The following ROR1 variants were observed in gnomAD, a reference collection of about 807,000 sequenced individuals.
ROR1 encodes ROR family WNT receptor 1.
A neutral mutation model predicts 78.8 loss-of-function variants in ROR1; 19 were observed. The ratio of observed to expected loss-of-function variants is 0.24; its 90% confidence interval spans 0.17 to 0.35. The LOEUF (loss-of-function observed/expected upper bound fraction) is 0.35, where lower values mean the gene tolerates loss of function less well. Ranked by LOEUF, ROR1 falls within the 10% of genes least tolerant of loss-of-function variation. The probability of loss-of-function intolerance (pLI) is 1.00; values close to 1 mark genes in which losing one functional copy is unlikely to be tolerated. For synonymous variants in ROR1, 386 were observed against 433.6 expected (o/e 0.89, Z 1.36); for missense variants, 917 against 1,177.8 (o/e 0.78, Z 3.24).
At chr1:63,954,841 T>C (rs572758864) in intron 1 of ROR1, among the ~76,000 whole-genome samples, 21 of 152,152 alleles carry the variant, frequency 1.4e-4, no homozygotes, top group Non-Finnish European at 2.9e-4. Context: ...TGGTATCTGT[T>C]GGGGGTCCTG....
At chr1:64,168,287 T>C (rs1650141878) in intron 8 of ROR1, among the ~76,000 whole-genome samples, 1 of 152,208 alleles carries the variant, frequency 6.6e-6, no homozygotes, top group African/African-American at 2.4e-5. Context: ...TGAGTCATAG[T>C]TACCAATCTC....
chr1:64,124,457 T>C (rs904472971), intron 4 of ROR1, among the ~76,000 whole-genome samples: 2 of 152,088 alleles, frequency 1.3e-5, no homozygotes, highest in Admixed American at 1.3e-4. Flanking sequence ...CTCCTTTCCT[T>C]CTAGGCCCGG....
In ROR1 at chr1:64,159,125, A is replaced by T; in HGVS notation, c.1319A>T (p.Gln440Leu). The T allele has an allele frequency of 6.2e-7, 1 of 1,614,168 alleles. No homozygotes were observed. The highest frequency in any genetic ancestry group is 1.1e-5 in the South Asian group (1 of 91,078). The change falls in exon 8 of 9, where the codon CAG becomes CTG. Residue 440 changes from glutamine (Q) to leucine (L), a missense_variant. Around this residue, in one of 3 missense-constraint regions of ROR1, gnomAD observed 835 missense variants for 1,069.8 expected, o/e 0.78. Coordinates refer to ENST00000371079, the MANE Select transcript of ROR1 (RefSeq NM_005012.4). ...NNQKSSSAPV[Q>L]RQPKHVRGQN... ...CAGAAGTCATCGTCGGCACCAGTCC[A>T]GAGGCAACCAAAACACGTCAGAGGT...
chr1:64,115,498 T>C (rs1274276204), intron 4 of ROR1, among the ~76,000 whole-genome samples: 1 of 152,018 alleles, frequency 6.6e-6, no homozygotes, highest in Non-Finnish European at 1.5e-5. Context: ...CCTCCCAAAG[T>C]GCATTTCTTA....
intron 4 of ROR1, among the ~76,000 whole-genome samples, chr1:64,085,837 A>G (rs1242374075): frequency 2.0e-5 from 3 of 152,176 alleles, no homozygotes; most frequent in African/African-American, 7.2e-5. Flanking sequence ...CTGCTTGGCC[A>G]TATAAAACAG....
chr1:63,783,861 G>A (rs955666875), intron 1 of ROR1, among the ~76,000 whole-genome samples: 2 of 152,174 alleles, frequency 1.3e-5, no homozygotes, highest in Non-Finnish European at 2.9e-5. Context: ...GTGGCAGGGT[G>A]CTCAGTGTGT....
At chr1:63,827,160 A>T (rs1324713727) in intron 1 of ROR1, among the ~76,000 whole-genome samples, 2 of 151,788 alleles carry the variant, frequency 1.3e-5, no homozygotes, top group Admixed American at 1.3e-4. Context: ...TTGTAAATTT[A>T]AGTTTCTTAT....
chr1:64,002,514 C>T (rs1013673877), intron 1 of ROR1, among the ~76,000 whole-genome samples: 1 of 152,086 alleles, frequency 6.6e-6, no homozygotes, highest in African/African-American at 2.4e-5. Flanking sequence ...CTCTATAGTT[C>T]CATGGAAGAG....
At chr1:64,096,981 A>T (rs1011900243) in intron 4 of ROR1, among the ~76,000 whole-genome samples, 6 of 152,060 alleles carry the variant, frequency 3.9e-5, no homozygotes, top group Admixed American at 1.3e-4. Flanking sequence ...AAGGATTCTG[A>T]CAATGTAAAC....
At chr1:64,116,442 C>T (rs1410457401) in intron 4 of ROR1, among the ~76,000 whole-genome samples, 1 of 152,150 alleles carries the variant, frequency 6.6e-6, no homozygotes, top group Non-Finnish European at 1.5e-5. Flanking sequence ...GGGAAAGCCA[C>T]ATAAAAGAAT....
chr1:64,092,223 C>G (rs1647205469), intron 4 of ROR1, among the ~76,000 whole-genome samples: 1 of 151,890 alleles, frequency 6.6e-6, no homozygotes, highest in Admixed American at 6.6e-5. Flanking sequence ...TTCACAGAGA[C>G]TTTAAGCAGT....
chr1:63,981,889 A>G (rs1253317609), intron 1 of ROR1, among the ~76,000 whole-genome samples: 1 of 152,132 alleles, frequency 6.6e-6, no homozygotes, highest in Admixed American at 6.6e-5. Context: ...AGCAGTGCTC[A>G]AAAGTGAATC....
At chr1:64,024,498 A>C (rs541404695) in intron 2 of ROR1, among the ~76,000 whole-genome samples, 1 of 152,236 alleles carries the variant, frequency 6.6e-6, no homozygotes, top group South Asian at 2.1e-4. Flanking sequence ...AAAAACAAAA[A>C]ACAAAAAAAA....
chr1:64,011,608 G>A (rs1646475046), intron 2 of ROR1, among the ~76,000 whole-genome samples: 3 of 152,170 alleles, frequency 2.0e-5, no homozygotes, highest in Admixed American at 1.3e-4. Flanking sequence ...AAGTAGTGGT[G>A]TCAATAGTAT....
chr1:64,103,614 T>C (rs965188257), intron 4 of ROR1, among the ~76,000 whole-genome samples: 58 of 152,312 alleles, frequency 3.8e-4, no homozygotes, highest in African/African-American at 1.3e-3. Flanking sequence ...GTATATTAAC[T>C]GAATGTGAAT....
chr1:63,843,996 A>G lies in ROR1; in HGVS notation c.91+69488A>G, dbSNP rs545380484. ...GCCCAAGCTCCTTAGCATGACACCA[A>G]AGGGATTTTCAGACCAGCCCTTGCT... On this transcript the variant is annotated intron_variant, in intron 1 of 8. Transcript: ENST00000371079. 2.3e-4 allele frequency among the ~76,000 whole-genome samples: 35 copies of G among 152,146 alleles called. 1 individual carries two copies. In the South Asian group the frequency reaches 6.8e-3, roughly 30 times the overall value.
At chr1:63,992,098 AC>A (rs1646300873) in intron 1 of ROR1, among the ~76,000 whole-genome samples, 1 of 152,142 alleles carries the variant, frequency 6.6e-6, no homozygotes, top group East Asian at 1.9e-4. Flanking sequence ...AAACCCGACA[AC>A]CCTTGTATAT....
chr1:63,981,148 C>G (rs888399073), intron 1 of ROR1, among the ~76,000 whole-genome samples: 4 of 152,134 alleles, frequency 2.6e-5, no homozygotes, highest in African/African-American at 9.7e-5. Flanking sequence ...TTTACCTACT[C>G]TGTAGGAGGT....
chr1:63,996,147 A>G (rs1212766042), intron 1 of ROR1, among the ~76,000 whole-genome samples: 1 of 152,184 alleles, frequency 6.6e-6, no homozygotes, highest in Admixed American at 6.6e-5. Context: ...AGAAAGTAAA[A>G]TCTCATCCCC....
Sources: allele counts gnomAD v4.1 joint callset (sites outside exome capture counted in the v4.1 genomes callset), GRCh38; gene constraint gnomAD v4.1.1; regional missense constraint gnomAD v4.1.1; transcripts MANE v1.5; gene names NCBI Gene and HGNC (gene_info 2026-07-23, HGNC 2026-07-21).